CEP95: variants seen among roughly 807,000 people sequenced by gnomAD.
CEP95 encodes the protein centrosomal protein 95, also known as centrosomal protein of 95 kDa.
Under a neutral mutation model 111.2 loss-of-function variants are expected in CEP95, and 98 were observed. The ratio of observed to expected loss-of-function variants is 0.88; its 90% CI spans 0.75 to 1.04. CEP95 has a LOEUF of 1.04. Ranked by LOEUF, CEP95 falls within the 50% of genes least tolerant of loss-of-function variation. The pLI is 0.00. For synonymous variants in CEP95, 323 were observed against 327.1 expected (o/e 0.99, Z 0.14); for missense variants, 1,027 against 977.2 (o/e 1.05, Z -0.68).
rs1420942225 is a variant in CEP95 at position 64,507,036 on chromosome 17, C to T, written c.-62C>T. ...AGTGTCGGGTCTGCGTGGATCGGTC[C>T]TTCCAGGACACCGTCGCCTTCCCGG... On this transcript the variant is annotated 5_prime_UTR_variant, in exon 1 of 20. Transcript: ENST00000556440. 2.6e-5 allele frequency: 40 copies of T among 1,547,610 alleles called. No homozygotes were observed. Among genetic ancestry groups the T allele is most frequent in the Non-Finnish European group, 3.3e-5 (38 of 1,144,444 alleles).
chr17:64,510,534 G>A (rs527415055), intron 3 of CEP95, among the ~76,000 whole-genome samples: 1 of 151,920 alleles, frequency 6.6e-6, no homozygotes, highest in Non-Finnish European at 1.5e-5. Flanking sequence ...TGTGTTTTTT[G>A]TTTTTATGTT....
chr17:64,533,256 C>T lies in CEP95; in HGVS notation c.1917+65C>T, dbSNP rs1968415204. The T allele has an allele frequency of 5.1e-6, 7 of 1,367,194 alleles. No homozygotes were observed. The South Asian group carries it at 7.9e-5, about 16-fold the overall frequency. The allele number at this position is 1,367,194 out of a possible 1,614,324, so 84.7% of individuals were successfully genotyped here. On this transcript the variant is annotated intron_variant, in intron 16 of 19. Coordinates refer to ENST00000556440, the MANE Select transcript of CEP95 (RefSeq NM_138363.3). Reference sequence around the variant, plus strand: ...GTTATATTCATTCCCTTTATCTGTGCTAGCTGGGCAACAGTTGCACAGACC... The same window carrying T: ...GTTATATTCATTCCCTTTATCTGTGTTAGCTGGGCAACAGTTGCACAGACC...
intron 5 of CEP95, 38 bp downstream of exon 5, chr17:64,516,866 T>A (rs201098039): frequency 5.6e-6 from 7 of 1,255,652 alleles, no homozygotes; most frequent in Non-Finnish European, 8.1e-6. Flanking sequence ...GAAAACAAGT[T>A]ACGCTTTTTG....
Position 64,522,699 on chromosome 17 carries a change from T to C in CEP95, c.716-3T>C. Reference sequence around the variant, plus strand: ...TAATATCCACTTTAATTTGTCTTACTAGCGGAAACCCTTTCTGTGAGTGGG... The same window carrying C: ...TAATATCCACTTTAATTTGTCTTACCAGCGGAAACCCTTTCTGTGAGTGGG... On this transcript the variant is annotated splice_region_variant and splice_polypyrimidine_tract_variant and intron_variant, in intron 7 of 19. Transcript: ENST00000556440. 2 of 1,609,334 alleles carry C rather than the reference T, an allele frequency of 1.2e-6. No homozygotes were observed. Among genetic ancestry groups the C allele is most frequent in the Non-Finnish European group, 1.7e-6 (2 of 1,177,398 alleles).
At chr17:64,531,538 G>T (rs1968280702) in intron 13 of CEP95, among the ~76,000 whole-genome samples, 3 of 152,100 alleles carry the variant, frequency 2.0e-5, no homozygotes, top group Admixed American at 6.6e-5. Flanking sequence ...AGTTGCCTGA[G>T]AATTTTTTAA....
intron 19 of CEP95, 142 bp from the exon 20 acceptor site, chr17:64,537,457 TTTAG>T (rs1168227242): frequency 2.2e-6 from 3 of 1,386,132 alleles, no homozygotes; most frequent in Non-Finnish European, 9.3e-7. Flanking sequence ...TGATTTTAAC[TTTAG>T]TTAGGTCTCT....
At chr17:64,532,446 C>T in intron 14 of CEP95, 1 of 985,428 alleles carries the variant, frequency 1.0e-6, no homozygotes, top group Non-Finnish European at 1.2e-6. Flanking sequence ...AAATGCCAGG[C>T]TTCCTGTTAC....
chr17:64,512,674 T>C lies in CEP95; in HGVS notation c.257-1574T>C, dbSNP rs557582397. On this transcript the variant is annotated intron_variant, in intron 3 of 19. Coordinates refer to ENST00000556440, the MANE Select transcript of CEP95 (RefSeq NM_138363.3). ...TAAGTCCTGATTTACATCTCTTAAT[T>C]TGATACTGACAAGAACAAATTTTTG... Among the ~76,000 whole-genome samples the C allele has an allele frequency of 2.6e-5, 4 of 152,336 alleles. No individual in the cohort carries two copies. In the South Asian group the frequency reaches 8.3e-4, roughly 32 times the overall value.
intron 17 of CEP95, 150 bp downstream of exon 17, chr17:64,534,887 C>T: frequency 1.2e-6 from 1 of 840,428 alleles, no homozygotes; most frequent in East Asian, 2.7e-5. Context: ...TGCTTGGCCA[C>T]ACTTCATTTT....
In CEP95 at chr17:64,534,674, T is replaced by C. The variant is rs376098557; in HGVS notation, c.2007T>C (p.Tyr669=). The C allele has an allele frequency of 1.8e-4, 287 of 1,610,124 alleles. No individual in the cohort carries two copies. The highest frequency in any genetic ancestry group is 2.3e-4 in the Non-Finnish European group (268 of 1,177,810). Residue 669 remains tyrosine (Y), a synonymous_variant, in exon 17 of 20, where the codon TAT becomes TAC. Coordinates refer to ENST00000556440, the MANE Select transcript of CEP95 (RefSeq NM_138363.3). ...AGCAAATCGTTCGTGCTCGAAAATA[T>C]TATGATGATTATAGAGTTCAGTTGT... ...NRQQIVRARK[Y]YDDYRVQLCA...
chr17:64,529,640 A>G (rs1968121628), intron 12 of CEP95, among the ~76,000 whole-genome samples: 2 of 152,242 alleles, frequency 1.3e-5, no homozygotes, highest in Admixed American at 6.5e-5. Flanking sequence ...CTGGCTGGAC[A>G]TAGCTTGGTG....
intron 1 of CEP95, chr17:64,507,740 T>C (rs2038638303): frequency 2.0e-6 from 2 of 985,704 alleles, no homozygotes; most frequent in African/African-American, 3.5e-5. Context: ...AGGGGGATTA[T>C]GTGCATGGAA....
rs1212220659 is a variant in CEP95, at chr17:64,532,868, C to G, written c.1702C>G (p.Leu568Val). The change falls in exon 15 of 20, where the codon CTT becomes GTT. Residue 568 changes from leucine to valine, a missense_variant. Physicochemically the swap from Leu to Val is conservative, Grantham distance 32. Transcript: ENST00000556440. ...AGTAAGTGAACACAGTCTCCTGCCC[C>G]TTATGCTGGAGCAGTTTCCGTTTCT... is the stretch of plus-strand genomic sequence containing the variant. Reference protein sequence around the residue: ...MKVSEHSLLPLMLEQFPFLYV... With the variant: ...MKVSEHSLLPVMLEQFPFLYV... 4 of 1,613,482 alleles carry G rather than the reference C, an allele frequency of 2.5e-6. No individual in the cohort carries two copies. The highest frequency in any genetic ancestry group is 2.7e-5 in the African/African-American group (2 of 75,016).
intron 3 of CEP95, among the ~76,000 whole-genome samples, chr17:64,511,866 A>G (rs1261350790): frequency 2.0e-5 from 3 of 152,222 alleles, no homozygotes; most frequent in African/African-American, 7.2e-5. Context: ...AATCTTCACA[A>G]TCCACGTTCT....
At chr17:64,534,988 A>T (rs1968552791) in intron 17 of CEP95, 1 of 447,522 alleles carries the variant, frequency 2.2e-6, no homozygotes, top group South Asian at 2.1e-5. Flanking sequence ...CCTACACATA[A>T]CAGGTACTTC....
intron 11 of CEP95, among the ~76,000 whole-genome samples, chr17:64,528,530 A>G (rs1487035388): frequency 6.6e-6 from 1 of 152,278 alleles, no homozygotes; most frequent in Non-Finnish European, 1.5e-5. Context: ...AGCAGCTATC[A>G]TTTAAAATAG....
intron 8 of CEP95, among the ~76,000 whole-genome samples, chr17:64,523,124 T>C (rs932307661): frequency 6.6e-6 from 1 of 152,192 alleles, no homozygotes; most frequent in Non-Finnish European, 1.5e-5. Flanking sequence ...CACCTGCACA[T>C]TCTTGTTCTA....
chr17:64,513,899 G>C (rs1555675710), intron 3 of CEP95, among the ~76,000 whole-genome samples: 1 of 152,076 alleles, frequency 6.6e-6, no homozygotes, highest in African/African-American at 2.4e-5. Flanking sequence ...GTTCTGTTTA[G>C]CTGCAATATA....
At chr17:64,525,939 G>GC (rs1202499722) in intron 9 of CEP95, 57 bp downstream of exon 9, 5 of 1,473,356 alleles carry the variant, frequency 3.4e-6, no homozygotes, top group African/African-American at 1.4e-5. Flanking sequence ...ATTTGAAAAT[G>GC]CAGGGGCATG....
Sources: allele counts gnomAD v4.1 joint callset (sites outside exome capture counted in the v4.1 genomes callset), GRCh38; gene constraint gnomAD v4.1.1; transcripts MANE v1.5; gene names NCBI Gene and HGNC (gene_info 2026-07-23, HGNC 2026-07-21).